SLC35F1: variants seen among roughly 807,000 people sequenced by gnomAD.
The protein encoded by SLC35F1 is solute carrier family 35 member F1, also known as chromosome 6 open reading frame 169.
Under a neutral mutation model 48.7 loss-of-function variants are expected in SLC35F1, and 14 were observed. The observed-to-expected ratio is 0.29, with a 90% CI of 0.19 to 0.45. The LOEUF (loss-of-function observed/expected upper bound fraction) is 0.45. SLC35F1 is among the 20% of genes least tolerant of loss of function. SLC35F1 has a pLI of 1.00. For missense variants in SLC35F1, 404 were observed against 500.0 expected, an observed-to-expected ratio of 0.81 and a Z score of 1.83; for synonymous variants, 190 against 202.2, an observed-to-expected ratio of 0.94 and a Z score of 0.51.
At chr6:118,112,648 A>G (rs994306486) in intron 1 of SLC35F1, among the ~76,000 whole-genome samples, 4 of 152,208 alleles carry the variant, frequency 2.6e-5, no homozygotes, top group Non-Finnish European at 5.9e-5. Context: ...GGAATTTGAC[A>G]GTAAACTTGG....
At chr6:118,299,393 A>G (rs1052185903) in intron 7 of SLC35F1, among the ~76,000 whole-genome samples, 1 of 152,322 alleles carries the variant, frequency 6.6e-6, no homozygotes, top group Middle Eastern at 3.4e-3. Flanking sequence ...CAATGGGTCC[A>G]TAAATTTGTT....
chr6:118,207,584 G>T (rs2114543956), intron 2 of SLC35F1, among the ~76,000 whole-genome samples: 1 of 152,314 alleles, frequency 6.6e-6, no homozygotes, highest in Admixed American at 6.5e-5. Flanking sequence ...TTGGGCTGGG[G>T]GATGTGCAGG....
chr6:118,316,809 G>C lies in SLC35F1; in HGVS notation c.*2557G>C, dbSNP rs1210597964. Reference sequence around the variant, plus strand: ...TTATCATTCGGTGTCCTTGTACTCAGACTTTCATGTCCCTGGGTGACCTCA... The same window carrying C: ...TTATCATTCGGTGTCCTTGTACTCACACTTTCATGTCCCTGGGTGACCTCA... On this transcript the variant is annotated 3_prime_UTR_variant, in exon 8 of 8. Coordinates refer to ENST00000360388, the MANE Select transcript of SLC35F1 (RefSeq NM_001029858.4). 1 of 152,124 alleles carries C rather than the reference G, an allele frequency of 6.6e-6. No individual in the cohort carries two copies. Among genetic ancestry groups the C allele is most frequent in the Non-Finnish European group, 1.5e-5 (1 of 68,024 alleles). 9.4% of individuals were successfully genotyped at this position (152,124 alleles called of 1,614,324 possible). A position where few individuals can be genotyped will look rare whatever the true frequency, so the allele number is the denominator to read the frequency against.
intron 1 of SLC35F1, among the ~76,000 whole-genome samples, chr6:117,908,724 G>T (rs1775727653): frequency 1.3e-5 from 2 of 152,182 alleles, no homozygotes; most frequent in Admixed American, 1.3e-4. Context: ...GATGTGAAAG[G>T]GACTTTTTCT....
intron 1 of SLC35F1, among the ~76,000 whole-genome samples, chr6:118,002,569 G>T (rs920363005): frequency 1.3e-5 from 2 of 151,552 alleles, no homozygotes. Flanking sequence ...CCTGCACATT[G>T]TGCACATGTA....
At chr6:117,960,017 A>G (rs1285646319) in intron 1 of SLC35F1, among the ~76,000 whole-genome samples, 1 of 152,104 alleles carries the variant, frequency 6.6e-6, no homozygotes, top group African/African-American at 2.4e-5. Flanking sequence ...ACTTTTCAGT[A>G]TCATCTTACT....
intron 2 of SLC35F1, among the ~76,000 whole-genome samples, chr6:118,176,206 C>G (rs1254714539): frequency 6.6e-6 from 1 of 152,076 alleles, no homozygotes; most frequent in Non-Finnish European, 1.5e-5. Flanking sequence ...TAGAGGCACA[C>G]CCCACGCACA....
chr6:118,140,747 G>T (rs908425300), intron 1 of SLC35F1, among the ~76,000 whole-genome samples: 1 of 152,066 alleles, frequency 6.6e-6, no homozygotes, highest in African/African-American at 2.4e-5. Context: ...AGATGTTGAA[G>T]GGGAAGACAG....
chr6:117,907,341 G>T lies in SLC35F1; in HGVS notation c.-386G>T. 6.6e-6 allele frequency among the ~76,000 whole-genome samples: 1 copy of T among 151,044 alleles called. No individual in the cohort carries two copies. ...CAACTGCCGCCGCGCGCCCCGAGGA[G>T]ACCCGGGCACGAGGAAACAAGGAGA... On this transcript the variant is annotated 5_prime_UTR_variant, in exon 1 of 8. Transcript: ENST00000360388.
At chr6:118,158,441 G>A (rs1344963381) in intron 2 of SLC35F1, among the ~76,000 whole-genome samples, 1 of 152,138 alleles carries the variant, frequency 6.6e-6, no homozygotes, top group Admixed American at 6.5e-5. Context: ...CTTTCTCACC[G>A]CTCCGAGAGC....
At chr6:117,969,592 G>A (rs1188682138) in intron 1 of SLC35F1, among the ~76,000 whole-genome samples, 1 of 152,146 alleles carries the variant, frequency 6.6e-6, no homozygotes, top group African/African-American at 2.4e-5. Context: ...ATGTGGGCCT[G>A]TGGTCCTAGC....
At chr6:118,177,011 ACTTGTTAAAAGTTATTTGCCTGATAC>A (rs1774499299) in intron 2 of SLC35F1, among the ~76,000 whole-genome samples, 1 of 152,006 alleles carries the variant, frequency 6.6e-6, no homozygotes, top group African/African-American at 2.4e-5. Flanking sequence ...GTATCTTTTA[ACTTGTTAAAAGTTATTTGCCTGATAC>A]CTGACCAGAA....
At chr6:118,006,118 A>G (rs1444275701) in intron 1 of SLC35F1, among the ~76,000 whole-genome samples, 2 of 152,146 alleles carry the variant, frequency 1.3e-5, no homozygotes, top group Non-Finnish European at 2.9e-5. Flanking sequence ...TGCATAGTAG[A>G]TTAAGTTAGA....
chr6:118,281,942 G>T (rs769366231), intron 6 of SLC35F1, among the ~76,000 whole-genome samples: 5 of 152,318 alleles, frequency 3.3e-5, no homozygotes, highest in Middle Eastern at 3.4e-3. Flanking sequence ...CATAGTGAGT[G>T]CTCAATCCAT....
At chr6:117,967,652 A>G (rs1776587723) in intron 1 of SLC35F1, among the ~76,000 whole-genome samples, 1 of 152,206 alleles carries the variant, frequency 6.6e-6, no homozygotes, top group African/African-American at 2.4e-5. Context: ...AGAACCATTA[A>G]TGTCCATTGA....
intron 3 of SLC35F1, among the ~76,000 whole-genome samples, chr6:118,247,399 T>G (rs1231874662): frequency 2.0e-5 from 3 of 152,140 alleles, no homozygotes; most frequent in Non-Finnish European, 4.4e-5. Context: ...TGTTTTAGAG[T>G]GAAAGTATCA....
At chr6:118,043,986 G>A (rs1772264844) in intron 1 of SLC35F1, among the ~76,000 whole-genome samples, 1 of 152,186 alleles carries the variant, frequency 6.6e-6, no homozygotes, top group Non-Finnish European at 1.5e-5. Flanking sequence ...ACTGACAGAG[G>A]AAGGCAAAAG....
intron 2 of SLC35F1, among the ~76,000 whole-genome samples, chr6:118,196,678 T>C (rs1321933823): frequency 6.6e-6 from 1 of 151,980 alleles, no homozygotes; most frequent in East Asian, 1.9e-4. Flanking sequence ...ATTGCGCCAC[T>C]GCACTCCACA....
chr6:118,282,679 C>T (rs1775998197), intron 6 of SLC35F1, among the ~76,000 whole-genome samples: 1 of 152,166 alleles, frequency 6.6e-6, no homozygotes, highest in Non-Finnish European at 1.5e-5. Context: ...CCTCTTTTAG[C>T]TCCCTCCATC....
Sources: gnomAD v4.1 joint callset for allele counts (sites outside exome capture counted in the v4.1 genomes callset) on GRCh38, gnomAD v4.1.1 for gene constraint, MANE v1.5 for transcripts, NCBI Gene and HGNC (gene_info 2026-07-23, HGNC 2026-07-21) for gene names.